The following REPS2 variants were observed in gnomAD, a reference collection of about 807,000 sequenced individuals.
The protein encoded by REPS2 is ralBP1-associated Eps domain-containing protein 2.
A neutral mutation model predicts 53.6 loss-of-function variants in REPS2; 23 were observed. The ratio of observed to expected loss-of-function variants is 0.43; its 90% CI spans 0.31 to 0.61. The LOEUF (loss-of-function observed/expected upper bound fraction) is 0.61. Among genes scored for constraint, REPS2 ranks in the 20% least tolerant of loss-of-function variants. REPS2 has a pLI of 0.11. For synonymous variants in REPS2, 238 were observed against 218.6 expected (o/e 1.09, Z -0.78); for missense variants, 446 against 534.9 (o/e 0.83, Z 1.64).
Position 17,106,812 on chromosome X carries a change from A to G in REPS2, c.1578+3033A>G, listed in dbSNP as rs1035515197. Reference sequence around the variant, plus strand: ...ACTGTTTTCAATTTCATATGGAATCAAAGAAGACCCCATATAACCAAGACA... The same window carrying G: ...ACTGTTTTCAATTTCATATGGAATCGAAGAAGACCCCATATAACCAAGACA... On this transcript the variant is annotated intron_variant, in intron 14 of 17. Coordinates refer to ENST00000357277, the MANE Select transcript of REPS2 (RefSeq NM_004726.3). Among the ~76,000 whole-genome samples the G allele has an allele frequency of 5.3e-5, 6 of 112,233 alleles. No homozygotes were observed. In the Admixed American group the frequency reaches 5.7e-4, roughly 11 times the overall value.
rs1569148250 is a variant in REPS2, at chrX:17,050,145, T to TTC, written c.908-2237_908-2236insTC. ...TTCTTTCTTTCTTCCTTTCTTCCTT[T>TTC]CTTTCTTTCTTTCTTTCTTTCTTTC... On this transcript the variant is annotated intron_variant, in intron 6 of 17. Transcript: ENST00000357277. Among the ~76,000 whole-genome samples the TTC allele has an allele frequency of 1.8e-3, 65 of 35,183 alleles. 1 individual carries two copies. The highest frequency in any genetic ancestry group is 5.6e-3 in the Admixed American group (10 of 1,772). 30.6% of individuals were successfully genotyped at this position (35,183 alleles called of 115,157 possible).
At chrX:16,958,907 C>A (rs919868358) in intron 1 of REPS2, among the ~76,000 whole-genome samples, 1 of 111,522 alleles carries the variant, frequency 9.0e-6, no homozygotes, top group Non-Finnish European at 1.9e-5. Context: ...AAGGATGGGG[C>A]ATGGCCAGTG....
At chrX:17,082,692 T>G (rs2062473770) in intron 13 of REPS2, among the ~76,000 whole-genome samples, 1 of 112,411 alleles carries the variant, frequency 8.9e-6, no homozygotes, top group Non-Finnish European at 1.9e-5. Context: ...TCGGATAAAT[T>G]AAGTGACAAA....
chrX:17,165,045 A>G, the REPS2 span, among the ~76,000 whole-genome samples: 2 of 100,997 alleles, frequency 2.0e-5, no homozygotes, highest in Middle Eastern at 4.9e-3. Context: ...CACCACCACC[A>G]CCACCACACA....
chrX:16,954,206 C>T (rs1243604679), intron 1 of REPS2, among the ~76,000 whole-genome samples: 1 of 111,344 alleles, frequency 9.0e-6, no homozygotes, highest in Non-Finnish European at 1.9e-5. Context: ...AGTGATCTCC[C>T]GCCTCAGCCT....
intron 14 of REPS2, among the ~76,000 whole-genome samples, chrX:17,122,642 A>T (rs754834887): frequency 4.5e-5 from 5 of 112,263 alleles, no homozygotes; most frequent in Non-Finnish European, 9.4e-5. Context: ...GTACTGATTT[A>T]CACTCCATTA....
chrX:17,178,656 G>A, the REPS2 span, among the ~76,000 whole-genome samples: 1 of 111,857 alleles, frequency 8.9e-6, no homozygotes, highest in Non-Finnish European at 1.9e-5. Context: ...TAGGCCAGGC[G>A]CGGTGGCTCA....
chrX:16,986,384 C>T (rs1272653226), intron 1 of REPS2, among the ~76,000 whole-genome samples: 1 of 112,072 alleles, frequency 8.9e-6, no homozygotes, highest in Non-Finnish European at 1.9e-5. Flanking sequence ...TTTCCCAGTT[C>T]TCTTAGATTA....
chrX:17,045,080 C>T (rs1173991814), intron 5 of REPS2, among the ~76,000 whole-genome samples: 2 of 109,478 alleles, frequency 1.8e-5, no homozygotes, highest in African/African-American at 6.6e-5. Flanking sequence ...CAGGCGCCTG[C>T]CACCACACCT....
the REPS2 span, among the ~76,000 whole-genome samples, chrX:17,170,432 T>C: frequency 1.8e-5 from 2 of 112,786 alleles, no homozygotes; most frequent in East Asian, 5.6e-4. Flanking sequence ...ATCTGTTTGG[T>C]TGTTAGTTAT....
chrX:17,100,696 T>G lies in REPS2; in HGVS notation c.1517-3022T>G, dbSNP rs764014586. On this transcript the variant is annotated intron_variant, in intron 13 of 17. Transcript: ENST00000357277. ...CATTATCACCATTTAAATTCAACTTTTACAGTAGATAATTCTAACTAGGTA... is the reference window on the plus strand; with the variant it reads ...CATTATCACCATTTAAATTCAACTTGTACAGTAGATAATTCTAACTAGGTA... 7.1e-5 allele frequency among the ~76,000 whole-genome samples: 8 copies of G among 112,539 alleles called. No homozygotes were observed. In the East Asian group the frequency reaches 2.0e-3, roughly 28 times the overall value.
intron 5 of REPS2, among the ~76,000 whole-genome samples, chrX:17,032,691 T>G (rs2061722595): frequency 8.9e-6 from 1 of 112,068 alleles, no homozygotes; most frequent in Non-Finnish European, 1.9e-5. Flanking sequence ...GGCCTTGTAT[T>G]CAAGTTCTTC....
chrX:17,086,044 G>A (rs1470349415), intron 13 of REPS2, among the ~76,000 whole-genome samples: 1 of 111,677 alleles, frequency 9.0e-6, no homozygotes, highest in Non-Finnish European at 1.9e-5. Flanking sequence ...CATATTTTAA[G>A]TCTCTTAACT....
intron 17 of REPS2, among the ~76,000 whole-genome samples, chrX:17,144,096 C>G (rs1339911506): frequency 8.9e-6 from 1 of 112,682 alleles, no homozygotes; most frequent in Non-Finnish European, 1.9e-5. Context: ...TAGCTCTTTC[C>G]TCTTGGTCTG....
the REPS2 span, among the ~76,000 whole-genome samples, chrX:17,182,180 A>G: frequency 9.2e-6 from 1 of 109,179 alleles, no homozygotes; most frequent in Non-Finnish European, 1.9e-5. Flanking sequence ...CTATCTATCT[A>G]TCTATCTATC....
chrX:17,168,878 T>C, the REPS2 span, among the ~76,000 whole-genome samples: 2 of 112,397 alleles, frequency 1.8e-5, no homozygotes, highest in Non-Finnish European at 3.8e-5. Context: ...ATCTGTTCTC[T>C]ACCCCTTGAA....
Position 17,013,624 on chromosome X carries a change from CTGTGTGTGTGTG to C in REPS2, c.397+7310_397+7321del, listed in dbSNP as rs10559340. Among the ~76,000 whole-genome samples, 370 of 99,662 alleles carry C rather than the reference CTGTGTGTGTGTG, an allele frequency of 3.7e-3. 3 individuals are homozygous for C. The highest frequency in any genetic ancestry group is 4.6e-3 in the Non-Finnish European group (226 of 49,338). The allele number at this position is 99,662 out of a possible 115,157, so 86.5% of individuals were successfully genotyped here. ...CCAGGAGGTAAGGTTGTAGCTGGCT[CTGTGTGTGTGTG>C]TGTGTGTGTGTGTGTGTGTGTGTGT... On this transcript the variant is annotated intron_variant, in intron 2 of 17. Coordinates refer to ENST00000357277, the MANE Select transcript of REPS2 (RefSeq NM_004726.3).
chrX:16,998,111 A>T (rs1433578185), intron 1 of REPS2, among the ~76,000 whole-genome samples: 1 of 111,488 alleles, frequency 9.0e-6, no homozygotes, highest in Non-Finnish European at 1.9e-5. Context: ...GCCAGGTGTG[A>T]TGGCACTTGC....
At chrX:16,989,251 C>CAAAAA (rs35448158) in intron 1 of REPS2, among the ~76,000 whole-genome samples, 1 of 91,980 alleles carries the variant, frequency 1.1e-5, no homozygotes, top group Non-Finnish European at 2.2e-5. Flanking sequence ...ATCAATATGT[C>CAAAAA]AAAAAAAAAA....
Sources: allele counts gnomAD v4.1 joint callset (sites outside exome capture counted in the v4.1 genomes callset), GRCh38; gene constraint gnomAD v4.1.1; transcripts MANE v1.5; gene names NCBI Gene and HGNC (gene_info 2026-07-23, HGNC 2026-07-21).